Variants in EDARADD observed in about 807,000 individuals in gnomAD.
The protein encoded by EDARADD is ectodysplasin-A receptor-associated adapter protein.
EDARADD carries 20 observed loss-of-function variants against 25.6 expected under a neutral mutation model. The observed-to-expected ratio is 0.78, with a 90% confidence interval of 0.55 to 1.14. The LOEUF (loss-of-function observed/expected upper bound fraction) is 1.14, where lower values mean the gene tolerates loss of function less well. Ranked by LOEUF, EDARADD falls within the 50% of genes most tolerant of loss-of-function variation. The probability of loss-of-function intolerance (pLI) is 0.00; values close to 1 mark genes in which losing one functional copy is unlikely to be tolerated. For missense variants in EDARADD, 225 were observed against 270.1 expected (o/e 0.83, Z 1.17); for synonymous variants, 86 against 94.4 (o/e 0.91, Z 0.52).
chr1:236,475,504 C>A (rs1350507262), intron 5 of EDARADD, among the ~76,000 whole-genome samples: 1 of 152,116 alleles, frequency 6.6e-6, no homozygotes, highest in Non-Finnish European at 1.5e-5. Context: ...GTGGCCCATG[C>A]TGGTAATCCC....
chr1:236,447,207 TCTTTCTTTCTTTCTTTC>T (rs1325873017), intron 4 of EDARADD, among the ~76,000 whole-genome samples: 11,455 of 62,106 alleles, frequency 0.18, 621 homozygotes, highest in Non-Finnish European at 0.27. Context: ...TTTCTTTCTT[TCTTTCTTTCTTTCTTTC>T]CTTTCTTTCC....
At chr1:236,428,346 A>C (rs1019673284) in intron 4 of EDARADD, among the ~76,000 whole-genome samples, 1 of 152,196 alleles carries the variant, frequency 6.6e-6, no homozygotes, top group Non-Finnish European at 1.5e-5. Flanking sequence ...GTACAGAACA[A>C]AATGGAGTCT....
chr1:236,449,081 C>T (rs1658639738), intron 4 of EDARADD, among the ~76,000 whole-genome samples: 1 of 152,180 alleles, frequency 6.6e-6, no homozygotes, highest in Non-Finnish European at 1.5e-5. Context: ...CCTCTCTTAG[C>T]TTCTGGTGGT....
chr1:236,473,904 G>A (rs1659427930), intron 5 of EDARADD, among the ~76,000 whole-genome samples: 1 of 152,082 alleles, frequency 6.6e-6, no homozygotes, highest in African/African-American at 2.4e-5. Context: ...GAGTAGCTGG[G>A]ACTATAGGCG....
At chr1:236,402,486 G>A (rs756173270) in intron 1 of EDARADD, among the ~76,000 whole-genome samples, 17 of 152,186 alleles carry the variant, frequency 1.1e-4, no homozygotes, top group Non-Finnish European at 2.5e-4. Context: ...GAGCCCAGGA[G>A]GTGGAGGCTG....
At position 236,395,531 on chromosome 1, in the gene EDARADD, G is replaced by T; in HGVS notation, c.61+1026G>T. 6.5e-7 allele frequency: 1 copy of T among 1,536,066 alleles called. No homozygotes were observed. The highest frequency in any genetic ancestry group is 8.7e-7 in the Non-Finnish European group (1 of 1,145,428). The stretch of plus-strand genomic sequence containing the variant: ...GCCACGGTTTGCTCCAGGCGCGTCG[G>T]AACCGCAGGACTTTTCATCCCCGTG... On this transcript the variant is annotated intron_variant, in intron 1 of 5. Transcript: ENST00000334232. This position sits in a 1 kb window ranked among gnomAD's most constrained non-coding sequence, Gnocchi z 6.9.
intron 5 of EDARADD, among the ~76,000 whole-genome samples, chr1:236,481,948 C>A (rs1659687598): frequency 6.6e-6 from 1 of 151,334 alleles, no homozygotes; most frequent in Admixed American, 6.6e-5. Flanking sequence ...CCCGTCTTTA[C>A]TAAAAACACA....
intron 3 of EDARADD, among the ~76,000 whole-genome samples, chr1:236,358,278 A>G (rs61835534): frequency 0.34 from 52,285 of 152,244 alleles, 10,847 homozygotes; most frequent in Non-Finnish European, 0.48. Context: ...ACTCATTGGA[A>G]TACTTATTCT....
intron 3 of EDARADD, among the ~76,000 whole-genome samples, chr1:236,377,862 A>G (rs568388893): frequency 6.6e-6 from 1 of 152,226 alleles, no homozygotes; most frequent in South Asian, 2.1e-4. Flanking sequence ...ATTAAAAAAA[A>G]AACAAAAACA....
chr1:236,443,471 G>C (rs1479693185), intron 4 of EDARADD, among the ~76,000 whole-genome samples: 2 of 152,140 alleles, frequency 1.3e-5, no homozygotes, highest in East Asian at 3.8e-4. Flanking sequence ...ACGGGAGTTT[G>C]GAAGAAGTTG....
intron 3 of EDARADD, among the ~76,000 whole-genome samples, chr1:236,363,967 A>G (rs1409730678): frequency 6.6e-6 from 1 of 151,956 alleles, no homozygotes; most frequent in African/African-American, 2.4e-5. Flanking sequence ...GGAGTTCGAG[A>G]CCAGCCTGGA....
Position 236,483,911 on chromosome 1 carries a change from C to T in EDARADD, c.*1262C>T, listed in dbSNP as rs956560100. 1.7e-5 allele frequency: 24 copies of T among 1,375,626 alleles called. No individual in the cohort carries two copies. Among genetic ancestry groups the T allele is most frequent in the East Asian group, 2.3e-5 (1 of 43,616 alleles). 85.2% of individuals were successfully genotyped at this position (1,375,626 alleles called of 1,614,324 possible). ...TCGTCAGCATGGACGTAGAGGCCTCCGAGTTCTTCAGGTCTGGAAAGTATG... is the reference window on the plus strand; with the variant it reads ...TCGTCAGCATGGACGTAGAGGCCTCTGAGTTCTTCAGGTCTGGAAAGTATG... On this transcript the variant is annotated 3_prime_UTR_variant, in exon 6 of 6. Transcript: ENST00000334232.
chr1:236,425,786 C>G lies in EDARADD; in HGVS notation c.161-1606C>G, dbSNP rs76023033. On this transcript the variant is annotated intron_variant, in intron 3 of 5. Transcript: ENST00000334232. ...TACCAAACAATCAACAAAGACAACA[C>G]AGCATTGCATAGGCCAGAGTGCAAA... Among the ~76,000 whole-genome samples the G allele has an allele frequency of 5.9e-3, 902 of 152,228 alleles. 8 individuals carry two copies. The highest frequency in any genetic ancestry group is 0.02 in the African/African-American group (826 of 41,546).
In EDARADD at chr1:236,483,732, C is replaced by A. The variant is rs1241977063; in HGVS notation, c.*1083C>A. ...CATGCCCATTGGAGCGGAGGTTTAC[C>A]ACAGCCTGAAGAATGTCATCAAGGA... On this transcript the variant is annotated 3_prime_UTR_variant, in exon 6 of 6. Coordinates refer to ENST00000334232, the MANE Select transcript of EDARADD (RefSeq NM_145861.4). The A allele has an allele frequency of 1.3e-6, 2 of 1,522,744 alleles. No homozygotes were observed. The highest frequency in any genetic ancestry group is 2.7e-5 in the African/African-American group (2 of 72,874). 94.3% of individuals were successfully genotyped at this position (1,522,744 alleles called of 1,614,324 possible).
rs1009699764 is a variant in EDARADD at position 236,427,505 on chromosome 1, A to T, written c.219+55A>T. 3.1e-5 allele frequency: 46 copies of T among 1,497,950 alleles called. No individual in the cohort carries two copies. In the South Asian group the frequency reaches 4.1e-4, roughly 13 times the overall value. The allele number at this position is 1,497,950 out of a possible 1,614,324, so 92.8% of individuals were successfully genotyped here. On this transcript the variant is annotated intron_variant, in intron 4 of 5. Coordinates refer to ENST00000334232, the MANE Select transcript of EDARADD (RefSeq NM_145861.4). ...TTAGGTACATGATAATCCACCTAAA[A>T]TTTTTTGAGATTTATAGAGTTTTAC...
At chr1:236,409,154 T>C in intron 1 of EDARADD, 62 bp from the exon 2 acceptor site, 1 of 1,208,848 alleles carries the variant, frequency 8.3e-7, no homozygotes, top group South Asian at 1.3e-5. Context: ...ATCAAAGGAC[T>C]CATTTGTGGT....
chr1:236,443,755 T>G (rs1658462150), intron 4 of EDARADD, among the ~76,000 whole-genome samples: 1 of 152,110 alleles, frequency 6.6e-6, no homozygotes. Context: ...GTACATAAAT[T>G]TAGAATAGTA....
At chr1:236,464,248 G>A (rs553099669) in intron 4 of EDARADD, among the ~76,000 whole-genome samples, 22 of 120,970 alleles carry the variant, frequency 1.8e-4, no homozygotes, top group Non-Finnish European at 2.8e-4. Flanking sequence ...CTTTCTGCAA[G>A]TATTATTTTT....
At chr1:236,401,287 A>G (rs552403438) in intron 1 of EDARADD, among the ~76,000 whole-genome samples, 1 of 152,216 alleles carries the variant, frequency 6.6e-6, no homozygotes, top group South Asian at 2.1e-4. Context: ...GTAATTCTTC[A>G]CTAGAAAGCA....
Sources: gnomAD v4.1 joint callset for allele counts (sites outside exome capture counted in the v4.1 genomes callset) on GRCh38, gnomAD v4.1.1 for gene constraint, Gnocchi (gnomAD v3.1) non-coding constraint, MANE v1.5 for transcripts, NCBI Gene and HGNC (gene_info 2026-07-23, HGNC 2026-07-21) for gene names.